RASAL2: variants seen among roughly 807,000 people sequenced by gnomAD.
RASAL2 encodes the protein RAS protein activator like 2, also known as ras GTPase-activating protein nGAP.
Under a neutral mutation model 128.9 loss-of-function variants are expected in RASAL2, and 58 were observed. The observed-to-expected ratio is 0.45, with a 90% CI of 0.36 to 0.56. The LOEUF is 0.56. RASAL2 is among the 20% of genes least tolerant of loss of function. RASAL2 has a pLI of 0.00. For missense variants in RASAL2, 1,360 were observed against 1,601.6 expected (o/e 0.85, Z 2.57); for synonymous variants, 561 against 580.8 (o/e 0.97, Z 0.49).
chr1:178,384,522 G>A (rs751383853), intron 3 of RASAL2, among the ~76,000 whole-genome samples: 6 of 151,938 alleles, frequency 3.9e-5, no homozygotes, highest in Non-Finnish European at 8.8e-5. Context: ...GCTAAAATTC[G>A]CTGGGTGTGG....
intron 1 of RASAL2, among the ~76,000 whole-genome samples, chr1:178,246,890 A>T (rs1463368491): frequency 6.6e-6 from 1 of 152,158 alleles, no homozygotes; most frequent in African/African-American, 2.4e-5. Context: ...CATATGTTGA[A>T]CCAGCCTCTC....
At chr1:178,146,832 CT>C (rs1236440634) in intron 1 of RASAL2, among the ~76,000 whole-genome samples, 1 of 152,208 alleles carries the variant, frequency 6.6e-6, no homozygotes, top group African/African-American at 2.4e-5. Context: ...TTAATTTTCA[CT>C]GTGATGGATG....
rs113111802 is a variant in RASAL2, at chr1:178,333,318, C to T, written c.457+33200C>T. Among the ~76,000 whole-genome samples the T allele has an allele frequency of 4.9e-3, 751 of 152,354 alleles. 8 individuals are homozygous for T. Among genetic ancestry groups the T allele is most frequent in the African/African-American group, 0.017 (695 of 41,590 alleles). On this transcript the variant is annotated intron_variant, in intron 3 of 17. Transcript: ENST00000367649. Reference sequence around the variant, plus strand: ...CTGGGATTACAGGCGTAAGCCACCGCGCCCGGCCAGATTTATTAATATCTC... The same window carrying T: ...CTGGGATTACAGGCGTAAGCCACCGTGCCCGGCCAGATTTATTAATATCTC...
At chr1:178,298,832 A>G (rs1667630770) in intron 2 of RASAL2, among the ~76,000 whole-genome samples, 2 of 152,062 alleles carry the variant, frequency 1.3e-5, no homozygotes, top group Non-Finnish European at 2.9e-5. Flanking sequence ...TACTCTGCCA[A>G]ACTATTTAGG....
chr1:178,297,051 A>G (rs1033232759), intron 2 of RASAL2, among the ~76,000 whole-genome samples: 1 of 152,056 alleles, frequency 6.6e-6, no homozygotes, highest in Middle Eastern at 3.2e-3. Flanking sequence ...AGAAAAAAAA[A>G]CAAAGAAAGA....
At chr1:178,170,716 A>G (rs942931525) in intron 1 of RASAL2, among the ~76,000 whole-genome samples, 2 of 151,476 alleles carry the variant, frequency 1.3e-5, no homozygotes, top group Non-Finnish European at 3.0e-5. Flanking sequence ...GCTCTTATCT[A>G]TCTATAACTC....
intron 1 of RASAL2, among the ~76,000 whole-genome samples, chr1:178,202,796 G>A (rs1662916875): frequency 6.6e-6 from 1 of 152,216 alleles, no homozygotes; most frequent in African/African-American, 2.4e-5. Context: ...TGGATGGGAT[G>A]ACTCGTTCTG....
chr1:178,148,190 CTTT>C (rs11325242), intron 1 of RASAL2, among the ~76,000 whole-genome samples: 3 of 144,944 alleles, frequency 2.1e-5, no homozygotes. Flanking sequence ...TCTTTGCTCA[CTTT>C]TTTTTTTTTG....
chr1:178,095,329 A>G (rs1263539746), intron 1 of RASAL2, among the ~76,000 whole-genome samples: 1 of 152,224 alleles, frequency 6.6e-6, no homozygotes, highest in Non-Finnish European at 1.5e-5. Flanking sequence ...CCCTTTCTGC[A>G]TTCCTGGTAA....
intron 1 of RASAL2, among the ~76,000 whole-genome samples, chr1:178,096,113 G>A (rs1658672383): frequency 6.6e-6 from 1 of 152,170 alleles, no homozygotes; most frequent in Admixed American, 6.5e-5. Context: ...TTTTCCGTCT[G>A]CCTGCTAAAT....
chr1:178,335,997 A>C (rs1020065145), intron 3 of RASAL2, among the ~76,000 whole-genome samples: 2 of 151,690 alleles, frequency 1.3e-5, no homozygotes, highest in Admixed American at 6.6e-5. Context: ...AAGGGAAAGC[A>C]CTCCAAGAGC....
intron 3 of RASAL2, among the ~76,000 whole-genome samples, chr1:178,336,660 T>TATAA (rs1403633375): frequency 6.6e-6 from 1 of 151,656 alleles, no homozygotes; most frequent in Non-Finnish European, 1.5e-5. Context: ...TAAATAAATA[T>TATAA]ATAAATATAT....
chr1:178,342,676 C>G (rs372159466), intron 3 of RASAL2, among the ~76,000 whole-genome samples: 1 of 152,078 alleles, frequency 6.6e-6, no homozygotes, highest in Non-Finnish European at 1.5e-5. Context: ...TGTTAGTAAA[C>G]TTTTTTCTGT....
intron 1 of RASAL2, among the ~76,000 whole-genome samples, chr1:178,138,528 T>C (rs1023716401): frequency 1.2e-4 from 18 of 152,176 alleles, no homozygotes; most frequent in African/African-American, 4.1e-4. Flanking sequence ...GTATAAGCCA[T>C]ATAACCTTGA....
intron 3 of RASAL2, chr1:178,372,403 T>G: frequency 1.1e-6 from 1 of 924,576 alleles, no homozygotes; most frequent in Non-Finnish European, 1.3e-6. Context: ...CCAAATTCTC[T>G]AAATCCACTT....
chr1:178,096,492 G>GTA (rs1274431255), intron 1 of RASAL2, among the ~76,000 whole-genome samples: 6 of 150,856 alleles, frequency 4.0e-5, no homozygotes, highest in Admixed American at 6.6e-5. Context: ...GTGTGTAAGA[G>GTA]AGAGAGAGAG....
chr1:178,378,938 T>C (rs1375214380), intron 3 of RASAL2, among the ~76,000 whole-genome samples: 3 of 151,212 alleles, frequency 2.0e-5, no homozygotes, highest in Non-Finnish European at 4.4e-5. Flanking sequence ...AAATGGAAAA[T>C]AGAAATAAAC....
At chr1:178,104,651 C>T (rs1163019926) in intron 1 of RASAL2, among the ~76,000 whole-genome samples, 1 of 152,132 alleles carries the variant, frequency 6.6e-6, no homozygotes, top group East Asian at 1.9e-4. Flanking sequence ...TTAAGTTCTA[C>T]TGCTGTGTTG....
intron 3 of RASAL2, among the ~76,000 whole-genome samples, chr1:178,313,932 A>G (rs1668377437): frequency 6.6e-6 from 1 of 152,190 alleles, no homozygotes; most frequent in Non-Finnish European, 1.5e-5. Flanking sequence ...CTAATAGACA[A>G]TAAAAACAAC....
Sources: allele counts gnomAD v4.1 joint callset (sites outside exome capture counted in the v4.1 genomes callset), GRCh38; gene constraint gnomAD v4.1.1; transcripts MANE v1.5; gene names NCBI Gene and HGNC (gene_info 2026-07-23, HGNC 2026-07-21).